HELLS: variants seen among roughly 807,000 people sequenced by gnomAD.
HELLS encodes the protein lymphoid-specific helicase.
In HELLS, 32 loss-of-function variants were observed where a neutral mutation model predicts 120.0. The observed-to-expected ratio is 0.27, with a 90% CI of 0.20 to 0.36. The LOEUF (loss-of-function observed/expected upper bound fraction) is 0.36, where lower values mean the gene tolerates loss of function less well. Ranked by LOEUF, HELLS falls within the 10% of genes least tolerant of loss-of-function variation. The probability of loss-of-function intolerance (pLI) is 1.00; values close to 1 mark genes in which losing one functional copy is unlikely to be tolerated. For missense variants in HELLS, 650 were observed against 993.4 expected, an observed-to-expected ratio of 0.65 and a Z score of 4.65; for synonymous variants, 341 against 323.4, an observed-to-expected ratio of 1.05 and a Z score of -0.58.
At position 94,592,223 on chromosome 10, in the gene HELLS, C is replaced by G. The variant is rs1303821091; in HGVS notation, c.1768-6C>G. 2 of 1,601,418 alleles carry G rather than the reference C, an allele frequency of 1.2e-6. No homozygotes were observed. The highest frequency in any genetic ancestry group is 1.7e-5 in the Admixed American group (1 of 59,332). On this transcript the variant is annotated splice_polypyrimidine_tract_variant and splice_region_variant and intron_variant, in intron 15 of 21. Coordinates refer to ENST00000348459, the MANE Select transcript of HELLS (RefSeq NM_018063.5). ...TCTATTTTTTCTTCCTTTGCCCCTCCTTAAGATCGATGAAGAATTGGTAAC... is the reference window on the plus strand; with the variant it reads ...TCTATTTTTTCTTCCTTTGCCCCTCGTTAAGATCGATGAAGAATTGGTAAC...
chr10:94,553,466 C>G (rs1843082971), intron 2 of HELLS, among the ~76,000 whole-genome samples: 1 of 151,538 alleles, frequency 6.6e-6, no homozygotes, highest in African/African-American at 2.4e-5. Context: ...CCAGGATGGT[C>G]TCAAACTCCT....
chr10:94,567,090 A>T (rs1843838784), intron 6 of HELLS, among the ~76,000 whole-genome samples: 1 of 152,138 alleles, frequency 6.6e-6, no homozygotes, highest in South Asian at 2.1e-4. Flanking sequence ...AAGAATCTCT[A>T]AATCTGTGAA....
intron 12 of HELLS, among the ~76,000 whole-genome samples, chr10:94,584,854 C>T (rs1229652010): frequency 6.6e-6 from 1 of 151,978 alleles, no homozygotes; most frequent in Non-Finnish European, 1.5e-5. Context: ...AAAATAGGGG[C>T]AGTTTTGAAT....
At chr10:94,609,415 T>A (rs1281851991) in intron 9 of HELLS, among the ~76,000 whole-genome samples, 1 of 152,240 alleles carries the variant, frequency 6.6e-6, no homozygotes, top group Non-Finnish European at 1.5e-5. Context: ...TTCACTTTCA[T>A]AATCCGTATT....
chr10:94,583,264 T>C (rs1455651145), intron 12 of HELLS, among the ~76,000 whole-genome samples: 2 of 152,160 alleles, frequency 1.3e-5, no homozygotes, highest in Non-Finnish European at 2.9e-5. Context: ...TTTGTCCTTT[T>C]CAGATAGTAT....
At chr10:94,561,452 G>A (rs1843549983) in intron 4 of HELLS, among the ~76,000 whole-genome samples, 1 of 151,658 alleles carries the variant, frequency 6.6e-6, no homozygotes, top group Non-Finnish European at 1.5e-5. Context: ...TTTTCATAAG[G>A]GCGTCAACTA....
At chr10:94,552,925 G>A (rs1302617033) in intron 2 of HELLS, among the ~76,000 whole-genome samples, 1 of 152,180 alleles carries the variant, frequency 6.6e-6, no homozygotes, top group Non-Finnish European at 1.5e-5. Flanking sequence ...GCTGCAGTAA[G>A]CCACAATTGC....
At chr10:94,555,419 A>G (rs558924962) in intron 3 of HELLS, among the ~76,000 whole-genome samples, 1 of 152,104 alleles carries the variant, frequency 6.6e-6, no homozygotes, top group Non-Finnish European at 1.5e-5. Flanking sequence ...CCTGGATGAC[A>G]GAGTGAGACC....
Position 94,546,418 on chromosome 10 carries a change from G to A in HELLS, c.73G>A (p.Val25Met). 1.2e-6 allele frequency: 2 copies of A among 1,614,160 alleles called. No individual in the cohort carries two copies. Among genetic ancestry groups the A allele is most frequent in the Non-Finnish European group, 1.7e-6 (2 of 1,180,018 alleles). The part of the protein sequence containing the change: ...PAMVEQLDTA[V>M]ITPAMLEEEE... ...AATGGTTGAACAACTGGACACTGCT[G>A]TGATTACCCCGGCCATGCTAGAAGA... is the stretch of plus-strand genomic sequence containing the variant. Residue 25 changes from valine (V) to methionine (M), a missense_variant, in exon 2 of 22, where the codon GTG (valine) becomes ATG (methionine). Transcript: ENST00000348459.
chr10:94,607,927 C>G (rs371838312), exon 9 of HELLS: 6 of 427,736 alleles, frequency 1.4e-5, no homozygotes, highest in Non-Finnish European at 1.9e-5. Flanking sequence ...AGGGTTTCAC[C>G]ATCTTGGCCT....
chr10:94,553,973 A>ATT (rs61547368), intron 2 of HELLS, among the ~76,000 whole-genome samples, 153 bp from the exon 3 acceptor site: 2 of 150,062 alleles, frequency 1.3e-5, no homozygotes, highest in Middle Eastern at 3.2e-3. Context: ...CCCAAAAACT[A>ATT]TTTTTTTTTT....
At chr10:94,550,618 G>A (rs1842937744) in intron 2 of HELLS, among the ~76,000 whole-genome samples, 1 of 152,018 alleles carries the variant, frequency 6.6e-6, no homozygotes, top group Non-Finnish European at 1.5e-5. Context: ...GGCCAGGCGC[G>A]GTGGCTCATG....
chr10:94,571,727 A>G (rs1306287675), intron 7 of HELLS, among the ~76,000 whole-genome samples: 1 of 152,224 alleles, frequency 6.6e-6, no homozygotes, highest in Non-Finnish European at 1.5e-5. Flanking sequence ...AACCATGTGG[A>G]TATAAACCGT....
At chr10:94,579,114 A>T (rs949567139) in intron 10 of HELLS, among the ~76,000 whole-genome samples, 1 of 152,040 alleles carries the variant, frequency 6.6e-6, no homozygotes, top group African/African-American at 2.4e-5. Flanking sequence ...TTACAGTAAA[A>T]GTAATATATA....
intron 13 of HELLS, 60 bp downstream of exon 13, chr10:94,588,450 C>T (rs1845290624): frequency 1.6e-5 from 21 of 1,330,410 alleles, no homozygotes; most frequent in Non-Finnish European, 2.0e-5. Flanking sequence ...TCTCTTTTTT[C>T]CCTTTTTTTT....
At chr10:94,553,408 C>T (rs1367927345) in intron 2 of HELLS, among the ~76,000 whole-genome samples, 1 of 151,864 alleles carries the variant, frequency 6.6e-6, no homozygotes, top group Admixed American at 6.6e-5. Context: ...GCCACCACGT[C>T]CTGCTAATTT....
At chr10:94,581,647 A>G in intron 11 of HELLS, 125 bp downstream of exon 11, 1 of 613,556 alleles carries the variant, frequency 1.6e-6, no homozygotes, top group Non-Finnish European at 2.8e-6. Flanking sequence ...TGTATATTGT[A>G]TGTTCTACTC....
intron 7 of HELLS, among the ~76,000 whole-genome samples, chr10:94,572,793 A>G (rs538517241): frequency 1.3e-5 from 2 of 152,298 alleles, no homozygotes; most frequent in South Asian, 4.1e-4. Context: ...CTCGCCAGCA[A>G]TGTTTGAAAA....
intron 2 of HELLS, among the ~76,000 whole-genome samples, chr10:94,550,051 G>A (rs1263323820): frequency 6.6e-6 from 1 of 152,118 alleles, no homozygotes; most frequent in East Asian, 1.9e-4. Flanking sequence ...CTCCTGAGTA[G>A]TTGGGATTAC....
Sources: allele counts gnomAD v4.1 joint callset (sites outside exome capture counted in the v4.1 genomes callset), GRCh38; gene constraint gnomAD v4.1.1; transcripts MANE v1.5; gene names NCBI Gene and HGNC (gene_info 2026-07-23, HGNC 2026-07-21).